EXT1: variants seen among roughly 807,000 people sequenced by gnomAD.
EXT1 encodes the protein exostosin glycosyltransferase 1, also known as exostosin-1.
A neutral mutation model predicts 82.5 loss-of-function variants in EXT1; 20 were observed. The ratio of observed to expected loss-of-function variants is 0.24; its 90% CI spans 0.17 to 0.35. EXT1 has a LOEUF of 0.35. Ranked by LOEUF, EXT1 falls within the 10% of genes least tolerant of loss-of-function variation. EXT1 has a pLI of 1.00. For synonymous variants in EXT1, 348 were observed against 350.8 expected, an observed-to-expected ratio of 0.99 and a Z score of 0.09; for missense variants, 757 against 936.5, an observed-to-expected ratio of 0.81 and a Z score of 2.50.
In EXT1 at chr8:117,858,900, A is replaced by G. The variant is rs1236081638; in HGVS notation, c.963-21699T>C. ...AAGAAAGAAAGAAAGAAAGAAAGAA[A>G]GAAAGAAAGAAATTGCCACAGCTAC... is the stretch of plus-strand genomic sequence containing the variant. On this transcript the variant is annotated intron_variant, in intron 1 of 10. Coordinates refer to ENST00000378204, the MANE Select transcript of EXT1 (RefSeq NM_000127.3). 1.9e-3 allele frequency among the ~76,000 whole-genome samples: 254 copies of G among 135,860 alleles called. 4 individuals are homozygous for G. The highest frequency in any genetic ancestry group is 5.9e-3 in the African/African-American group (226 of 38,500). The allele number at this position is 135,860 out of a possible 152,430, so 89.1% of individuals were successfully genotyped here.
chr8:117,826,769 GT>G (rs1450977141), intron 4 of EXT1, among the ~76,000 whole-genome samples: 1 of 151,870 alleles, frequency 6.6e-6, no homozygotes, highest in Non-Finnish European at 1.5e-5. Context: ...GAAGTGTATG[GT>G]TTTTAGTGTT....
At chr8:117,897,591 C>CTT (rs34963536) in intron 1 of EXT1, among the ~76,000 whole-genome samples, 5,632 of 90,456 alleles carry the variant, frequency 0.062, 561 homozygotes, top group Non-Finnish European at 0.083. Flanking sequence ...CTTCTTTTCT[C>CTT]TTTTTTTTTT....
chr8:118,065,083 C>G (rs1816954492), intron 1 of EXT1, among the ~76,000 whole-genome samples: 1 of 151,980 alleles, frequency 6.6e-6, no homozygotes, highest in South Asian at 2.1e-4. Flanking sequence ...GTACTCCTGA[C>G]CTCAGGTGAT....
intron 1 of EXT1, among the ~76,000 whole-genome samples, chr8:117,884,315 T>C (rs959837725): frequency 2.0e-5 from 3 of 152,196 alleles, no homozygotes; most frequent in African/African-American, 7.2e-5. Flanking sequence ...GGGAAAGGGA[T>C]TGGCAAATAT....
intron 7 of EXT1, among the ~76,000 whole-genome samples, chr8:117,815,844 C>T (rs1172405031): frequency 5.3e-5 from 8 of 151,390 alleles, no homozygotes; most frequent in East Asian, 1.9e-4. Flanking sequence ...GCAGGAGAAT[C>T]GCTTGAACCC....
At chr8:117,810,597 T>C (rs1355319817) in intron 8 of EXT1, among the ~76,000 whole-genome samples, 1 of 152,202 alleles carries the variant, frequency 6.6e-6, no homozygotes, top group African/African-American at 2.4e-5. Context: ...AGAGTGAGAC[T>C]AATTGCCTTG....
intron 1 of EXT1, among the ~76,000 whole-genome samples, chr8:117,950,294 C>G (rs1814468494): frequency 6.6e-6 from 1 of 152,138 alleles, no homozygotes; most frequent in Admixed American, 6.6e-5. Flanking sequence ...TTCTAGTAGT[C>G]TTGCCATAAA....
At chr8:117,824,481 C>T (rs1488688464) in intron 4 of EXT1, among the ~76,000 whole-genome samples, 2 of 152,132 alleles carry the variant, frequency 1.3e-5, no homozygotes, top group African/African-American at 2.4e-5. Context: ...TTGAATTTAA[C>T]GTGGGTCAAG....
chr8:118,098,352 C>T (rs915789230), intron 1 of EXT1, among the ~76,000 whole-genome samples: 1 of 152,068 alleles, frequency 6.6e-6, no homozygotes, highest in African/African-American at 2.4e-5. Flanking sequence ...CCCTAACATC[C>T]ATATGCCACG....
intron 5 of EXT1, 61 bp from the exon 6 acceptor site, chr8:117,819,855 C>T (rs893746224): frequency 6.9e-7 from 1 of 1,448,376 alleles, no homozygotes; most frequent in South Asian, 1.1e-5. Context: ...TAGAAAATTA[C>T]TCCTCCTTGC....
intron 1 of EXT1, among the ~76,000 whole-genome samples, chr8:117,902,450 G>A (rs758087585): frequency 3.3e-5 from 5 of 152,166 alleles, no homozygotes; most frequent in East Asian, 3.8e-4. Context: ...CCACAAATGC[G>A]TGAGTAATGC....
intron 1 of EXT1, among the ~76,000 whole-genome samples, chr8:118,088,056 A>G (rs566017291): frequency 1.3e-5 from 2 of 152,088 alleles, no homozygotes; most frequent in South Asian, 2.1e-4. Flanking sequence ...GCAGGTAGAG[A>G]GTAAATGCAT....
intron 1 of EXT1, among the ~76,000 whole-genome samples, chr8:118,046,741 A>G (rs1189541754): frequency 6.6e-6 from 1 of 152,108 alleles, no homozygotes; most frequent in African/African-American, 2.4e-5. Flanking sequence ...CTCCCCAAAT[A>G]CCCAACCTGG....
At chr8:117,935,745 A>G (rs900936529) in intron 1 of EXT1, among the ~76,000 whole-genome samples, 5 of 152,124 alleles carry the variant, frequency 3.3e-5, no homozygotes, top group African/African-American at 1.2e-4. Context: ...TATTTCTGTA[A>G]AATTATTATT....
intron 1 of EXT1, among the ~76,000 whole-genome samples, chr8:117,931,141 A>G (rs1342397105): frequency 6.6e-6 from 1 of 152,218 alleles, no homozygotes; most frequent in African/African-American, 2.4e-5. Flanking sequence ...GGCAATCAAC[A>G]GTCCTCGGGG....
At chr8:118,065,661 C>G (rs1816972320) in intron 1 of EXT1, among the ~76,000 whole-genome samples, 1 of 152,200 alleles carries the variant, frequency 6.6e-6, no homozygotes, top group Non-Finnish European at 1.5e-5. Context: ...TACATTTGAA[C>G]TTACACTTTG....
intron 1 of EXT1, among the ~76,000 whole-genome samples, chr8:117,923,360 G>T (rs182024218): frequency 6.6e-6 from 1 of 151,804 alleles, no homozygotes; most frequent in East Asian, 2.0e-4. Flanking sequence ...TGAGCAGGGG[G>T]ATGTGGGTGG....
intron 6 of EXT1, among the ~76,000 whole-genome samples, chr8:117,818,796 A>T (rs1811872449): frequency 6.6e-6 from 1 of 152,220 alleles, no homozygotes; most frequent in African/African-American, 2.4e-5. Flanking sequence ...GTCCGGGAAT[A>T]GGGGAAAGCT....
intron 7 of EXT1, among the ~76,000 whole-genome samples, chr8:117,813,510 A>G (rs1333459709): frequency 6.6e-6 from 1 of 152,202 alleles, no homozygotes; most frequent in Non-Finnish European, 1.5e-5. Context: ...TGGAGAAGTG[A>G]TTCCAAGTGT....
Sources: gnomAD v4.1 joint callset for allele counts (sites outside exome capture counted in the v4.1 genomes callset) on GRCh38, gnomAD v4.1.1 for gene constraint, MANE v1.5 for transcripts, NCBI Gene and HGNC (gene_info 2026-07-23, HGNC 2026-07-21) for gene names.